MYO19: variants seen among roughly 807,000 people sequenced by gnomAD.
The protein encoded by MYO19 is unconventional myosin-XIX.
In MYO19, 132 loss-of-function variants were observed where a neutral mutation model predicts 129.2. The ratio of observed to expected loss-of-function variants is 1.02; its 90% CI spans 0.89 to 1.18. The LOEUF (loss-of-function observed/expected upper bound fraction) is 1.18, where lower values mean the gene tolerates loss of function less well. Ranked by LOEUF, MYO19 falls within the 50% of genes most tolerant of loss-of-function variation. The pLI, the probability that MYO19 is intolerant of heterozygous loss-of-function variation, is 0.00. For synonymous variants in MYO19, 531 were observed against 477.2 expected (o/e 1.11, Z -1.47); for missense variants, 1,210 against 1,216.7 (o/e 0.99, Z 0.08).
chr17:36,542,859 G>T (rs997185638), intron 1 of MYO19, among the ~76,000 whole-genome samples: 3 of 151,786 alleles, frequency 2.0e-5, no homozygotes, highest in African/African-American at 7.2e-5. Flanking sequence ...GGAATTAAAA[G>T]TGCTCGCCAC....
intron 19 of MYO19, chr17:36,504,293 C>A: frequency 2.2e-6 from 1 of 449,084 alleles, no homozygotes; most frequent in Non-Finnish European, 4.0e-6. Context: ...CTGGCTCCGT[C>A]TCACCCTGCC....
intron 6 of MYO19, among the ~76,000 whole-genome samples, chr17:36,521,686 G>A (rs1173101112): frequency 6.6e-6 from 1 of 152,048 alleles, no homozygotes; most frequent in African/African-American, 2.4e-5. Context: ...AAAACCTTTG[G>A]GGGAAAAAAG....
upstream of MYO19, chr17:36,537,927 C>G (rs2074165401): frequency 6.2e-7 from 1 of 1,613,934 alleles, no homozygotes; most frequent in African/African-American, 1.3e-5. Flanking sequence ...CCAGCTAGCC[C>G]TTGACTTTAC....
At chr17:36,502,453 C>G (rs1057199896) in intron 21 of MYO19, among the ~76,000 whole-genome samples, 2 of 152,166 alleles carry the variant, frequency 1.3e-5, no homozygotes, top group African/African-American at 4.8e-5. Context: ...CAAGCCCCTA[C>G]CAAGACTGAC....
At chr17:36,524,998 T>G (rs940887121) in intron 6 of MYO19, among the ~76,000 whole-genome samples, 1 of 152,200 alleles carries the variant, frequency 6.6e-6, no homozygotes, top group Non-Finnish European at 1.5e-5. Flanking sequence ...TTCATTCCTA[T>G]TTCACCCAGG....
intron 25 of MYO19, 120 bp downstream of exon 25, chr17:36,498,146 C>A: frequency 1.8e-6 from 2 of 1,129,046 alleles, no homozygotes; most frequent in Non-Finnish European, 2.5e-6. Context: ...CTCTGGTTTA[C>A]CCAGTAGGGT....
Position 36,499,117 on chromosome 17 carries a change from A to G in MYO19, c.2421T>C (p.His807=), listed in dbSNP as rs1285982444. ...WLTRKHIQRL[H]AAATVIKRAW... ...CACGCTTGATGACTGTGGCAGCTGC[A>G]TGCAGCCTCTGGATGTGTTTCCGAG... The change falls in exon 24 of 26, where the codon CAT becomes CAC. Residue 807 remains histidine (H), a synonymous_variant. Coordinates refer to ENST00000614623, the MANE Select transcript of MYO19 (RefSeq NM_001163735.2). 1 of 1,610,832 alleles carries G rather than the reference A, an allele frequency of 6.2e-7. No individual in the cohort carries two copies. Among genetic ancestry groups the G allele is most frequent in the East Asian group, 2.2e-5 (1 of 44,836 alleles).
chr17:36,498,754 C>T, intron 24 of MYO19, 195 bp from the exon 25 acceptor site: 1 of 619,672 alleles, frequency 1.6e-6, no homozygotes, highest in South Asian at 2.0e-5. Context: ...TGTGCTTAGG[C>T]CTTACATATG....
At position 36,527,779 on chromosome 17, in the gene MYO19, C is replaced by T; in HGVS notation, c.152-80G>A. ...CACAGACACACATCTACTTAAGTAACAGCCCTCTTTCTGCAATTAGCCAAG... is the reference window on the plus strand; with the variant it reads ...CACAGACACACATCTACTTAAGTAATAGCCCTCTTTCTGCAATTAGCCAAG... On this transcript the variant is annotated intron_variant, in intron 4 of 25. Coordinates refer to ENST00000614623, the MANE Select transcript of MYO19 (RefSeq NM_001163735.2). 2.8e-6 allele frequency: 4 copies of T among 1,440,280 alleles called. No individual in the cohort carries two copies. The South Asian group carries it at 5.5e-5, about 20-fold the overall frequency. The allele number at this position is 1,440,280 out of a possible 1,614,324, so 89.2% of individuals were successfully genotyped here.
rs1340540262 is a variant in MYO19 at position 36,525,352 on chromosome 17, A to G, written c.301-11T>C. 11 of 1,573,444 alleles carry G rather than the reference A, an allele frequency of 7.0e-6. No individual in the cohort carries two copies. Among genetic ancestry groups the G allele is most frequent in the Non-Finnish European group, 9.6e-6 (11 of 1,143,780 alleles). The stretch of plus-strand genomic sequence containing the variant: ...ATGGGGCTTCAGTTTCTGGAACATC[A>G]AGGAGTGAAAGGTCATGTGAGGGAA... On this transcript the variant is annotated splice_polypyrimidine_tract_variant and intron_variant, in intron 5 of 25. Transcript: ENST00000614623.
chr17:36,539,739 A>G (rs1339041513), upstream of MYO19, among the ~76,000 whole-genome samples: 1 of 152,216 alleles, frequency 6.6e-6, no homozygotes, highest in Admixed American at 6.5e-5. Flanking sequence ...GCACAGCACA[A>G]ATTTCCTGAT....
chr17:36,498,656 G>T, intron 24 of MYO19, 97 bp from the exon 25 acceptor site: 1 of 1,391,168 alleles, frequency 7.2e-7, no homozygotes, highest in Non-Finnish European at 9.5e-7. Context: ...ATCTTAACAA[G>T]GTGAACTGAA....
intron 9 of MYO19, 65 bp downstream of exon 9, chr17:36,514,381 G>T: frequency 9.7e-7 from 1 of 1,032,200 alleles, no homozygotes; most frequent in Non-Finnish European, 1.5e-6. Flanking sequence ...GGGAGTGGGG[G>T]GTTGAAAAAC....
rs139182282 is a variant in MYO19, at chr17:36,519,225, A to C, written c.415-3235T>G. ...TTTGATTTTATATATTTTTCCTTTC[A>C]ATGAGAGCAGATTTTACTTCATGTA... On this transcript the variant is annotated intron_variant, in intron 6 of 25. Coordinates refer to ENST00000614623, the MANE Select transcript of MYO19 (RefSeq NM_001163735.2). Among the ~76,000 whole-genome samples the C allele has an allele frequency of 1.8e-3, 273 of 152,244 alleles. 2 individuals are homozygous for C. The highest frequency in any genetic ancestry group is 6.3e-3 in the African/African-American group (262 of 41,538).
At position 36,503,092 on chromosome 17, in the gene MYO19, C is replaced by T; in HGVS notation, c.2080+5G>A. ...ACAAATGACTAACTCATGGGTCCCA[C>T]TCACCAGGGAGCCCTTTGGCAGGAT... On this transcript the variant is annotated splice_donor_5th_base_variant and intron_variant, in intron 21 of 25. Coordinates refer to ENST00000614623, the MANE Select transcript of MYO19 (RefSeq NM_001163735.2). 6.2e-7 allele frequency: 1 copy of T among 1,612,386 alleles called. No homozygotes were observed. Among genetic ancestry groups the T allele is most frequent in the Non-Finnish European group, 8.5e-7 (1 of 1,178,424 alleles).
intron 3 of MYO19, among the ~76,000 whole-genome samples, chr17:36,529,873 C>A (rs1472936216): frequency 6.6e-6 from 1 of 152,150 alleles, no homozygotes; most frequent in Non-Finnish European, 1.5e-5. Context: ...GTTATATACT[C>A]TTATGTTAAT....
intron 6 of MYO19, among the ~76,000 whole-genome samples, chr17:36,516,327 T>A (rs2072745948): frequency 6.6e-6 from 1 of 152,180 alleles, no homozygotes. Context: ...TTATTAAAAA[T>A]CATGCATCTA....
chr17:36,538,737 C>T, upstream of MYO19: 1 of 858,964 alleles, frequency 1.2e-6, no homozygotes, highest in Non-Finnish European at 1.8e-6. Flanking sequence ...TTTCAGTCAT[C>T]TAAACAGCAG....
chr17:36,515,964 C>T lies in MYO19; in HGVS notation c.441G>A (p.Lys147=). 6.2e-7 allele frequency: 1 copy of T among 1,613,174 alleles called. No homozygotes were observed. The highest frequency in any genetic ancestry group is 2.2e-5 in the East Asian group (1 of 44,880). The change falls in exon 7 of 26, where the codon AAG becomes AAA. Residue 147 remains lysine, a synonymous_variant. Transcript: ENST00000614623. The part of the protein sequence containing the change: ...GKTWTSRCLM[K]FYAVVATSPA... Reference sequence around the variant, plus strand: ...GTGAGGTGGCCACCACAGCATAGAACTTCATTAGGCAGCGAGACGTCCATG... The same window carrying T: ...GTGAGGTGGCCACCACAGCATAGAATTTCATTAGGCAGCGAGACGTCCATG...
Sources: allele counts gnomAD v4.1 joint callset (sites outside exome capture counted in the v4.1 genomes callset), GRCh38; gene constraint gnomAD v4.1.1; transcripts MANE v1.5; gene names NCBI Gene and HGNC (gene_info 2026-07-23, HGNC 2026-07-21).